MAP2: variants seen among roughly 807,000 people sequenced by gnomAD.
MAP2 encodes microtubule-associated protein 2.
In MAP2, 14 loss-of-function variants were observed where a neutral mutation model predicts 137.6. The observed-to-expected ratio is 0.10, with a 90% CI of 0.07 to 0.16. The LOEUF is 0.16. Among genes scored for constraint, MAP2 ranks in the 10% least tolerant of loss-of-function variants. MAP2 has a pLI of 1.00. For synonymous variants in MAP2, 786 were observed against 782.3 expected (o/e 1.00, Z -0.08); for missense variants, 2,088 against 2,191.5 (o/e 0.95, Z 0.94).
chr2:209,453,433 A>G (rs1700756865), intron 1 of MAP2, among the ~76,000 whole-genome samples: 2 of 152,178 alleles, frequency 1.3e-5, no homozygotes, highest in African/African-American at 4.8e-5. Flanking sequence ...ATCAGATTCT[A>G]CCCACTTAAT....
intron 1 of MAP2, among the ~76,000 whole-genome samples, chr2:209,474,467 T>C (rs1346095201): frequency 6.6e-6 from 1 of 152,146 alleles, no homozygotes; most frequent in African/African-American, 2.4e-5. Context: ...GCACAGTCTA[T>C]AAAAGCAGAT....
chr2:209,652,279 C>G (rs1215396821), intron 4 of MAP2, among the ~76,000 whole-genome samples: 1 of 152,150 alleles, frequency 6.6e-6, no homozygotes, highest in East Asian at 1.9e-4. Flanking sequence ...TGTTGTATGT[C>G]AATGGTTTTA....
chr2:209,585,804 A>G (rs538654212), intron 3 of MAP2, among the ~76,000 whole-genome samples: 10 of 152,296 alleles, frequency 6.6e-5, no homozygotes, highest in African/African-American at 2.4e-4. Context: ...ACTGTATTCT[A>G]TTTTGTCAAA....
chr2:209,583,830 T>C (rs1396779), intron 3 of MAP2, among the ~76,000 whole-genome samples: 101,254 of 150,600 alleles, frequency 0.67, 40,123 homozygotes, highest in Non-Finnish European at 0.87. Flanking sequence ...GTTACCTGGG[T>C]ATATTGTATG....
intron 1 of MAP2, among the ~76,000 whole-genome samples, chr2:209,499,035 A>C (rs911803888): frequency 3.0e-4 from 46 of 152,142 alleles, no homozygotes; most frequent in Admixed American, 3.0e-3. Context: ...TCTCTGCCAC[A>C]TGGTTAGATG....
Position 209,593,875 on chromosome 2 carries a change from A to T in MAP2, c.-107+13775A>T, listed in dbSNP as rs1360401288. Among the ~76,000 whole-genome samples the T allele has an allele frequency of 8.2e-4, 79 of 96,826 alleles. 1 individual carries two copies. The South Asian group carries it at 0.012, about 14-fold the overall frequency. The allele number at this position is 96,826 out of a possible 152,430, so 63.5% of individuals were successfully genotyped here. ...ATTATAAAATATATATTTATATTAT[A>T]AAAATATATTTATATTATTAAAATA... is the stretch of plus-strand genomic sequence containing the variant. On this transcript the variant is annotated intron_variant, in intron 3 of 15. Transcript: ENST00000682079.
At chr2:209,544,012 G>T (rs935003420) in intron 2 of MAP2, among the ~76,000 whole-genome samples, 1 of 152,110 alleles carries the variant, frequency 6.6e-6, no homozygotes, top group Non-Finnish European at 1.5e-5. Flanking sequence ...GGCGGATCAC[G>T]AGGTCAGGAG....
intron 1 of MAP2, among the ~76,000 whole-genome samples, chr2:209,448,530 C>A (rs1436686933): frequency 6.6e-6 from 1 of 152,142 alleles, no homozygotes; most frequent in African/African-American, 2.4e-5. Context: ...GAAATGTATT[C>A]TCTTACAGTT....
intron 2 of MAP2, among the ~76,000 whole-genome samples, chr2:209,540,657 A>G (rs891443753): frequency 3.4e-5 from 5 of 145,722 alleles, no homozygotes; most frequent in African/African-American, 1.3e-4. Context: ...AAAAAAAAAA[A>G]AAAAAGAAGA....
At chr2:209,445,258 T>A (rs1466686195) in intron 1 of MAP2, among the ~76,000 whole-genome samples, 1 of 151,618 alleles carries the variant, frequency 6.6e-6, no homozygotes, top group Non-Finnish European at 1.5e-5. Context: ...GCCTTCATGC[T>A]CTCAAGAGAG....
At chr2:209,472,261 A>G (rs1705940687) in intron 1 of MAP2, among the ~76,000 whole-genome samples, 1 of 152,202 alleles carries the variant, frequency 6.6e-6, no homozygotes, top group Non-Finnish European at 1.5e-5. Context: ...GATGGCCTTC[A>G]GAGCAAGTGT....
chr2:209,593,630 AAAAAATATATATAT>A (rs1202926151), intron 3 of MAP2, among the ~76,000 whole-genome samples: 1 of 63,268 alleles, frequency 1.6e-5, no homozygotes, highest in African/African-American at 6.7e-5. Context: ...AAAAAAAAAA[AAAAAATATATATAT>A]ATATATATAT....
chr2:209,687,596 C>T (rs2057447804), intron 7 of MAP2, among the ~76,000 whole-genome samples: 1 of 152,136 alleles, frequency 6.6e-6, no homozygotes, highest in Admixed American at 6.5e-5. Context: ...AATTTCCCTT[C>T]ATCCTGCTGT....
intron 1 of MAP2, among the ~76,000 whole-genome samples, chr2:209,482,193 C>T (rs185515938): frequency 1.3e-5 from 2 of 152,272 alleles, no homozygotes; most frequent in East Asian, 1.9e-4. Flanking sequence ...TCTTAGCTCT[C>T]TTACTAAATA....
intron 4 of MAP2, among the ~76,000 whole-genome samples, chr2:209,625,607 C>T (rs1581145227): frequency 6.6e-6 from 1 of 152,170 alleles, no homozygotes; most frequent in East Asian, 1.9e-4. Context: ...AGATTGCATA[C>T]ATGGCTTTGG....
chr2:209,458,867 A>G (rs2149563959), intron 1 of MAP2, among the ~76,000 whole-genome samples: 1 of 152,176 alleles, frequency 6.6e-6, no homozygotes, highest in African/African-American at 2.4e-5. Flanking sequence ...TAAGCTCTCT[A>G]TACCTTAGTC....
chr2:209,713,245 A>G (rs2153778636), intron 13 of MAP2, among the ~76,000 whole-genome samples: 1 of 152,306 alleles, frequency 6.6e-6, no homozygotes, highest in African/African-American at 2.4e-5. Context: ...TATAATAAAG[A>G]TATATGCATC....
chr2:209,615,166 A>G (rs145854364), intron 3 of MAP2, among the ~76,000 whole-genome samples: 20 of 152,252 alleles, frequency 1.3e-4, no homozygotes, highest in Admixed American at 4.6e-4. Flanking sequence ...CTGAATGCTC[A>G]CGTTGACCTC....
chr2:209,675,866 C>A (rs541338234), intron 5 of MAP2, among the ~76,000 whole-genome samples: 3 of 151,652 alleles, frequency 2.0e-5, no homozygotes, highest in African/African-American at 7.2e-5. Flanking sequence ...TGCAGGACCC[C>A]CATTTAAGAA....
Sources: gnomAD v4.1 joint callset for allele counts (sites outside exome capture counted in the v4.1 genomes callset) on GRCh38, gnomAD v4.1.1 for gene constraint, MANE v1.5 for transcripts, NCBI Gene and HGNC (gene_info 2026-07-23, HGNC 2026-07-21) for gene names.